ZNF57: variants seen among roughly 807,000 people sequenced by gnomAD.
ZNF57 encodes the protein zinc finger protein 57.
In ZNF57, 11 loss-of-function variants were observed where a neutral mutation model predicts 13.4. The observed-to-expected ratio is 0.82, with a 90% confidence interval of 0.52 to 1.36. ZNF57 has a LOEUF of 1.36. ZNF57 is among the 40% of genes most tolerant of loss of function. The pLI is 0.00. For missense variants in ZNF57, 696 were observed against 667.5 expected (o/e 1.04, Z -0.47); for synonymous variants, 224 against 238.5 (o/e 0.94, Z 0.56).
intron 1 of ZNF57, among the ~76,000 whole-genome samples, chr19:2,904,063 TG>T (rs1367020943): frequency 9.2e-5 from 14 of 152,164 alleles, no homozygotes; most frequent in Admixed American, 3.3e-4. Context: ...GGGGCCTCGC[TG>T]TTGCCCCAGG....
chr19:2,909,899 A>G lies in ZNF57; in HGVS notation c.4-5623A>G, dbSNP rs2088118055. Among the ~76,000 whole-genome samples the G allele has an allele frequency of 4.2e-5, 2 of 48,078 alleles. 1 individual carries two copies. The highest frequency in any genetic ancestry group is 9.5e-5 in the African/African-American group (2 of 21,140). 31.5% of individuals were successfully genotyped at this position (48,078 alleles called of 152,430 possible). On this transcript the variant is annotated intron_variant, in intron 1 of 3. Transcript: ENST00000306908. ...GCTCTCCAGAAAGCCTGGAAAATGCATAGTGTCAGTCTTCCAACTTGAACC... is the reference window on the plus strand; with the variant it reads ...GCTCTCCAGAAAGCCTGGAAAATGCGTAGTGTCAGTCTTCCAACTTGAACC...
At chr19:2,905,883 GA>G (rs1052240568) in intron 1 of ZNF57, among the ~76,000 whole-genome samples, 80 of 151,834 alleles carry the variant, frequency 5.3e-4, no homozygotes, top group Middle Eastern at 6.8e-3. Context: ...CAAAAACAAG[GA>G]AAAAAAATGA....
rs749685184 is a variant in ZNF57, at chr19:2,917,810, T to C, written c.1189T>C (p.Cys397Arg). The change falls in exon 4 of 4, where the codon TGT (cysteine) becomes CGT (arginine). Residue 397 changes from cysteine (C) to arginine (R), a missense_variant. Around this residue, in one of 3 missense-constraint regions of ZNF57, gnomAD observed 645 missense variants for 591.5 expected, o/e 1.09. Coordinates refer to ENST00000306908, the MANE Select transcript of ZNF57 (RefSeq NM_173480.3). ...AGAGCAGCTCTATAAATGTGAACAATGTGGGAAGGCTTTTACCTCTTCCAG... is the reference window on the plus strand; with the variant it reads ...AGAGCAGCTCTATAAATGTGAACAACGTGGGAAGGCTTTTACCTCTTCCAG... Reference protein sequence around the residue: ...TQEQLYKCEQCGKAFTSSRSF... With the variant: ...TQEQLYKCEQRGKAFTSSRSF... 29 of 1,604,046 alleles carry C rather than the reference T, an allele frequency of 1.8e-5. No individual in the cohort carries two copies. In the South Asian group the frequency reaches 2.8e-4, roughly 16 times the overall value.
chr19:2,909,275 A>ATTTATTTATTTTTTTTT (rs1341390463), intron 1 of ZNF57, among the ~76,000 whole-genome samples: 1 of 103,794 alleles, frequency 9.6e-6, no homozygotes, highest in Non-Finnish European at 2.0e-5. Context: ...TATTTTATTT[A>ATTTATTTATTTTTTTTT]TTTTTGTTTT....
In ZNF57 at chr19:2,909,380, A is replaced by T. The variant is rs1414497697; in HGVS notation, c.4-6142A>T. ...ACTGCAAGCTCTGCCTCCTGGGTTC[A>T]CGCCATTCTCCTGCCTCAGCCTCCC... On this transcript the variant is annotated intron_variant, in intron 1 of 3. Coordinates refer to ENST00000306908, the MANE Select transcript of ZNF57 (RefSeq NM_173480.3). Among the ~76,000 whole-genome samples, 3 of 62,462 alleles carry T rather than the reference A, an allele frequency of 4.8e-5. 1 individual carries two copies. The highest frequency in any genetic ancestry group is 1.4e-4 in the African/African-American group (3 of 21,226). 41.0% of individuals were successfully genotyped at this position (62,462 alleles called of 152,430 possible). A position where few individuals can be genotyped will look rare whatever the true frequency, so the allele number is the denominator to read the frequency against.
At chr19:2,901,746 T>G (rs752620016) in intron 1 of ZNF57, among the ~76,000 whole-genome samples, 23 of 152,104 alleles carry the variant, frequency 1.5e-4, no homozygotes, top group Non-Finnish European at 3.1e-4. Flanking sequence ...CTCGATCTCT[T>G]GACCTTGTGA....
chr19:2,916,864 A>G (rs1338903083), intron 3 of ZNF57, 60 bp from the exon 4 acceptor site: 2 of 1,380,474 alleles, frequency 1.4e-6, no homozygotes, highest in Non-Finnish European at 2.0e-6. Flanking sequence ...ACTTGTTAAT[A>G]CATCTCAACA....
At chr19:2,914,520 G>T (rs1281182595) in intron 1 of ZNF57, among the ~76,000 whole-genome samples, 2 of 151,914 alleles carry the variant, frequency 1.3e-5, no homozygotes, top group African/African-American at 4.8e-5. Flanking sequence ...CTCCCAAAGT[G>T]CTGGGATTAC....
intron 1 of ZNF57, among the ~76,000 whole-genome samples, chr19:2,902,538 A>C (rs2088038963): frequency 6.6e-6 from 1 of 152,208 alleles, no homozygotes; most frequent in Non-Finnish European, 1.5e-5. Flanking sequence ...AGATGGATTA[A>C]AATGTTCATA....
At chr19:2,912,105 A>C (rs2088142991) in intron 1 of ZNF57, 1 of 152,232 alleles carries the variant, frequency 6.6e-6, no homozygotes, top group Non-Finnish European at 1.5e-5. Flanking sequence ...GCAGAGGGCA[A>C]GGATTCCCTG....
chr19:2,915,069 T>A (rs2088177500), intron 1 of ZNF57: 1 of 155,104 alleles, frequency 6.4e-6, no homozygotes, highest in Admixed American at 6.3e-5. Context: ...TAAGTCACAT[T>A]GTTAGAAACT....
intron 2 of ZNF57, 199 bp downstream of exon 2, chr19:2,915,847 T>C: frequency 2.0e-6 from 2 of 1,018,484 alleles, no homozygotes; most frequent in Non-Finnish European, 3.0e-6. Flanking sequence ...TTTAAAGGAC[T>C]TGAAGTTCCT....
chr19:2,903,283 C>T (rs2088044432), intron 1 of ZNF57, among the ~76,000 whole-genome samples: 1 of 151,216 alleles, frequency 6.6e-6, no homozygotes, highest in African/African-American at 2.4e-5. Context: ...GTGATCTCCA[C>T]ACATTGTATC....
intron 1 of ZNF57, among the ~76,000 whole-genome samples, chr19:2,913,456 G>A (rs1417394638): frequency 2.0e-5 from 3 of 152,014 alleles, no homozygotes; most frequent in African/African-American, 7.3e-5. Flanking sequence ...GGTATTTATA[G>A]CTATTAACTT....
intron 1 of ZNF57, among the ~76,000 whole-genome samples, chr19:2,906,265 G>A (rs1288421751): frequency 2.0e-5 from 3 of 152,146 alleles, no homozygotes; most frequent in African/African-American, 7.2e-5. Flanking sequence ...TGTTGCCCAG[G>A]CTGGTCTCAA....
Position 2,917,157 on chromosome 19 carries a change from G to A in ZNF57, c.536G>A (p.Cys179Tyr). ...GAGGAATGTAAGCAGGCCTGCATTT[G>A]TCCCTCACACCTACACAGTCACGGA... Reference protein sequence around the residue: ...PGEECKQACICPSHLHSHGRT... With the variant: ...PGEECKQACIYPSHLHSHGRT... The change falls in exon 4 of 4, where the codon TGT becomes TAT. Residue 179 changes from cysteine to tyrosine, a missense_variant. By Grantham distance (194) the Cys-to-Tyr change is radical. Around this residue, in one of 3 missense-constraint regions of ZNF57, gnomAD observed 645 missense variants for 591.5 expected, o/e 1.09. Coordinates refer to ENST00000306908, the MANE Select transcript of ZNF57 (RefSeq NM_173480.3). 1 of 1,614,136 alleles carries A rather than the reference G, an allele frequency of 6.2e-7. No individual in the cohort carries two copies. The highest frequency in any genetic ancestry group is 8.5e-7 in the Non-Finnish European group (1 of 1,179,992).
intron 1 of ZNF57, among the ~76,000 whole-genome samples, chr19:2,903,808 G>A (rs979113116): frequency 1.3e-5 from 2 of 151,116 alleles, no homozygotes; most frequent in East Asian, 2.0e-4. Flanking sequence ...TCCGCCCTCC[G>A]GGGTTCACGC....
At chr19:2,911,563 CTT>C (rs2088136884) in intron 1 of ZNF57, among the ~76,000 whole-genome samples, 2 of 151,944 alleles carry the variant, frequency 1.3e-5, no homozygotes, top group African/African-American at 4.8e-5. Flanking sequence ...ACAAAAAAAA[CTT>C]TGTAAAGACA....
intron 1 of ZNF57, among the ~76,000 whole-genome samples, chr19:2,906,130 T>C (rs1310441856): frequency 6.6e-6 from 1 of 152,328 alleles, no homozygotes; most frequent in East Asian, 1.9e-4. Flanking sequence ...CATGGCTCAC[T>C]GCAGCCTCAA....
Sources: allele counts gnomAD v4.1 joint callset (sites outside exome capture counted in the v4.1 genomes callset), GRCh38; gene constraint gnomAD v4.1.1; regional missense constraint gnomAD v4.1.1; transcripts MANE v1.5; gene names NCBI Gene and HGNC (gene_info 2026-07-23, HGNC 2026-07-21).